NTN1: variants seen among roughly 807,000 people sequenced by gnomAD.
The protein encoded by NTN1 is netrin-1.
Under a neutral mutation model 54.2 loss-of-function variants are expected in NTN1, and 11 were observed. The observed-to-expected ratio is 0.20, with a 90% CI of 0.13 to 0.34. The LOEUF (loss-of-function observed/expected upper bound fraction) is 0.34, where lower values mean the gene tolerates loss of function less well. Ranked by LOEUF, NTN1 falls within the 10% of genes least tolerant of loss-of-function variation. NTN1 has a pLI of 1.00. For synonymous variants in NTN1, 371 were observed against 382.0 expected (o/e 0.97, Z 0.33); for missense variants, 740 against 893.1 (o/e 0.83, Z 2.18).
intron 3 of NTN1, chr17:9,179,120 G>C (rs1421740143): frequency 6.6e-6 from 1 of 152,330 alleles, no homozygotes; most frequent in Non-Finnish European, 1.5e-5. Context: ...GTGAGGCTCT[G>C]GGAGTTTCCT....
chr17:9,124,718 C>T (rs1383157575), intron 2 of NTN1, among the ~76,000 whole-genome samples: 1 of 152,148 alleles, frequency 6.6e-6, no homozygotes, highest in Admixed American at 6.5e-5. Flanking sequence ...AAAAGGAACT[C>T]GTTTTGCAGT....
intron 5 of NTN1, among the ~76,000 whole-genome samples, chr17:9,203,255 G>T (rs1440791241): frequency 6.6e-6 from 1 of 152,084 alleles, no homozygotes. Flanking sequence ...TTTGCCCTCT[G>T]TTTGCCAGCT....
rs145300787 is a variant in NTN1, at chr17:9,238,110, C to T, written c.1487-1530C>T. Among the ~76,000 whole-genome samples the T allele has an allele frequency of 1.3e-3, 198 of 152,282 alleles. 1 individual carries two copies. The highest frequency in any genetic ancestry group is 4.5e-3 in the African/African-American group (189 of 41,564). On this transcript the variant is annotated intron_variant, in intron 6 of 6. Coordinates refer to ENST00000173229, the MANE Select transcript of NTN1 (RefSeq NM_004822.3). ...ATGTGTGGGTGCAGGGGGGTGCCCT[C>T]GGAGTGCAGGAGCAGAGTGGCCCCC...
In NTN1 at chr17:9,116,024, G is replaced by A. The variant is rs79338872; in HGVS notation, c.1019-46789G>A. ...CCTCTCTGCATTTGTTTCTCCGGGG[G>A]CAGATTGTGGCAGCTTCTTAGAGCC... is the stretch of plus-strand genomic sequence containing the variant. On this transcript the variant is annotated intron_variant, in intron 2 of 6. Coordinates refer to ENST00000173229, the MANE Select transcript of NTN1 (RefSeq NM_004822.3). Among the ~76,000 whole-genome samples, 365 of 152,368 alleles carry A rather than the reference G, an allele frequency of 2.4e-3. 4 individuals carry two copies. The highest frequency in any genetic ancestry group is 8.5e-3 in the African/African-American group (352 of 41,586).
At chr17:9,201,082 G>T (rs1904771393) in intron 5 of NTN1, among the ~76,000 whole-genome samples, 1 of 152,172 alleles carries the variant, frequency 6.6e-6, no homozygotes, top group South Asian at 2.1e-4. Context: ...CTGGAAACTT[G>T]AGTTCCTCTA....
intron 2 of NTN1, among the ~76,000 whole-genome samples, chr17:9,046,599 C>A (rs900628076): frequency 9.9e-5 from 15 of 151,878 alleles, no homozygotes; most frequent in South Asian, 4.2e-4. Flanking sequence ...CCAGCCTGGG[C>A]AACATGGCGA....
At chr17:9,235,999 G>A (rs984297033) in intron 6 of NTN1, among the ~76,000 whole-genome samples, 10 of 151,996 alleles carry the variant, frequency 6.6e-5, no homozygotes, top group African/African-American at 1.5e-4. Flanking sequence ...CACCATGCCC[G>A]GTCAGCCTCT....
chr17:9,106,499 T>C (rs934368018), intron 2 of NTN1, among the ~76,000 whole-genome samples: 39 of 147,076 alleles, frequency 2.7e-4, no homozygotes, highest in African/African-American at 9.4e-4. Flanking sequence ...CTTCCTTCCT[T>C]CCTTCCTTCC....
At chr17:9,043,767 A>G (rs1288981234) in intron 2 of NTN1, among the ~76,000 whole-genome samples, 1 of 151,872 alleles carries the variant, frequency 6.6e-6, no homozygotes, top group Non-Finnish European at 1.5e-5. Flanking sequence ...TTTAGTAGAG[A>G]CGGGGTTTCA....
At chr17:9,030,596 T>G (rs546242397) in intron 2 of NTN1, among the ~76,000 whole-genome samples, 1 of 151,458 alleles carries the variant, frequency 6.6e-6, no homozygotes, top group African/African-American at 2.4e-5. Flanking sequence ...AATACAAAAA[T>G]TAGTCAGGCG....
chr17:9,091,224 A>G (rs575862028), intron 2 of NTN1, among the ~76,000 whole-genome samples: 1 of 152,212 alleles, frequency 6.6e-6, no homozygotes, highest in African/African-American at 2.4e-5. Flanking sequence ...GTGGTAAAAT[A>G]TACATAACAT....
intron 2 of NTN1, among the ~76,000 whole-genome samples, chr17:9,157,137 G>C (rs1156512952): frequency 2.0e-5 from 3 of 152,184 alleles, no homozygotes; most frequent in African/African-American, 7.2e-5. Flanking sequence ...AAGGCTTTCT[G>C]TGGGCTGGAG....
chr17:9,108,285 G>A (rs769231790), intron 2 of NTN1, among the ~76,000 whole-genome samples: 20 of 152,132 alleles, frequency 1.3e-4, no homozygotes, highest in Non-Finnish European at 2.4e-4. Flanking sequence ...AGAAGCAGGC[G>A]GTGGGGATGT....
At chr17:9,228,348 C>T (rs1010859793) in intron 6 of NTN1, among the ~76,000 whole-genome samples, 8 of 152,268 alleles carry the variant, frequency 5.3e-5, no homozygotes, top group South Asian at 4.1e-4. Context: ...AGAGTAAGAG[C>T]GGGGGCGTTC....
intron 2 of NTN1, among the ~76,000 whole-genome samples, chr17:9,149,724 G>C (rs1177774168): frequency 6.6e-6 from 1 of 152,182 alleles, no homozygotes; most frequent in Non-Finnish European, 1.5e-5. Flanking sequence ...TCTGGAGCTT[G>C]GAGAGGACTG....
At chr17:9,223,184 T>C (rs1462681844) in intron 6 of NTN1, among the ~76,000 whole-genome samples, 1 of 152,126 alleles carries the variant, frequency 6.6e-6, no homozygotes, top group East Asian at 1.9e-4. Context: ...GATTTAGAAA[T>C]GAAACTTGCA....
chr17:9,161,901 G>A lies in NTN1; in HGVS notation c.1019-912G>A, dbSNP rs1307967009. ...GATGGTAAGGAGTGAATGATGTCGG[G>A]CAGGTGACTCTGGGTTCAAGTGGAG... On this transcript the variant is annotated intron_variant, in intron 2 of 6. Coordinates refer to ENST00000173229, the MANE Select transcript of NTN1 (RefSeq NM_004822.3). Among the ~76,000 whole-genome samples, 3 of 110,720 alleles carry A rather than the reference G, an allele frequency of 2.7e-5. No individual in the cohort carries two copies. In the East Asian group the frequency reaches 5.8e-4, roughly 21 times the overall value. 72.6% of individuals were successfully genotyped at this position (110,720 alleles called of 152,430 possible).
At chr17:9,010,934 T>C in the NTN1 span, among the ~76,000 whole-genome samples, 1 of 152,096 alleles carries the variant, frequency 6.6e-6, no homozygotes, top group East Asian at 1.9e-4. Context: ...TTCACCATCA[T>C]GTAGAATCAG....
chr17:9,049,142 T>C (rs2091951177), intron 2 of NTN1, among the ~76,000 whole-genome samples: 1 of 151,878 alleles, frequency 6.6e-6, no homozygotes, highest in South Asian at 2.1e-4. Context: ...AAAAATGAAA[T>C]GAAAGAAAGA....
Sources: gnomAD v4.1 joint callset for allele counts (sites outside exome capture counted in the v4.1 genomes callset) on GRCh38, gnomAD v4.1.1 for gene constraint, MANE v1.5 for transcripts, NCBI Gene and HGNC (gene_info 2026-07-23, HGNC 2026-07-21) for gene names.